The following SLC25A53 variants were observed in gnomAD, a reference collection of about 807,000 sequenced individuals.
SLC25A53 encodes solute carrier family 25 member 53.
In SLC25A53, 5 loss-of-function variants were observed where a neutral mutation model predicts 15.0. The ratio of observed to expected loss-of-function variants is 0.33; its 90% CI spans 0.17 to 0.70. SLC25A53 has a LOEUF of 0.70. Ranked by LOEUF, SLC25A53 falls within the 30% of genes least tolerant of loss-of-function variation. The probability of loss-of-function intolerance (pLI) is 0.67; values close to 1 mark genes in which losing one functional copy is unlikely to be tolerated. For missense variants in SLC25A53, 216 were observed against 241.6 expected (o/e 0.89, Z 0.70); for synonymous variants, 95 against 100.0 (o/e 0.95, Z 0.30).
intron 1 of SLC25A53, among the ~76,000 whole-genome samples, chrX:104,126,488 T>C (rs1431508839): frequency 9.1e-6 from 1 of 109,848 alleles, no homozygotes; most frequent in Non-Finnish European, 1.9e-5. Flanking sequence ...ACCCCATCTC[T>C]AAAAAAAATT....
intron 1 of SLC25A53, among the ~76,000 whole-genome samples, chrX:104,149,424 TAGG>T (rs2075478573): frequency 8.9e-6 from 1 of 112,506 alleles, no homozygotes; most frequent in Non-Finnish European, 1.9e-5. Context: ...CGTAATCCTT[TAGG>T]AGTTTTCATT....
chrX:104,111,233 C>A (rs1316786600), intron 1 of SLC25A53, among the ~76,000 whole-genome samples: 1 of 112,128 alleles, frequency 8.9e-6, no homozygotes, highest in Admixed American at 9.4e-5. Flanking sequence ...CCTACTACAT[C>A]AAAATCCCCC....
chrX:104,149,508 G>A (rs1245627338), intron 1 of SLC25A53, among the ~76,000 whole-genome samples: 2 of 112,288 alleles, frequency 1.8e-5, no homozygotes, highest in African/African-American at 3.2e-5. Flanking sequence ...GGACCTATAG[G>A]TGGCCTTACC....
chrX:104,130,816 T>C (rs2075423944), intron 1 of SLC25A53: 1 of 112,016 alleles, frequency 8.9e-6, no homozygotes, highest in Non-Finnish European at 1.9e-5. Context: ...CCATCAGATC[T>C]TTCCCTTTCC....
chrX:104,140,707 C>T (rs1411669876), intron 1 of SLC25A53, among the ~76,000 whole-genome samples: 1 of 111,563 alleles, frequency 9.0e-6, no homozygotes, highest in Non-Finnish European at 1.9e-5. Context: ...TCAAACGTAT[C>T]TCCAGATGTT....
At chrX:104,124,252 AT>A (rs2075403602) in intron 1 of SLC25A53, among the ~76,000 whole-genome samples, 1 of 111,945 alleles carries the variant, frequency 8.9e-6, no homozygotes, top group South Asian at 3.7e-4. Flanking sequence ...AATGATTGCC[AT>A]TCTAACTGGC....
chrX:104,125,979 T>A (rs1399472440), intron 1 of SLC25A53, among the ~76,000 whole-genome samples: 3 of 111,765 alleles, frequency 2.7e-5, no homozygotes, highest in Non-Finnish European at 5.6e-5. Flanking sequence ...TTTAACATAA[T>A]TACTATCAAA....
intron 1 of SLC25A53, among the ~76,000 whole-genome samples, chrX:104,141,777 A>G (rs1457937930): frequency 5.4e-5 from 6 of 110,741 alleles, no homozygotes; most frequent in African/African-American, 2.0e-4. Context: ...CTGTAGAGAC[A>G]GGGTTTCACC....
At chrX:104,141,160 A>G (rs1556367472) in intron 1 of SLC25A53, among the ~76,000 whole-genome samples, 1 of 111,981 alleles carries the variant, frequency 8.9e-6, no homozygotes, top group Admixed American at 9.5e-5. Flanking sequence ...CATTTATTCA[A>G]GAAAACAACT....
rs2075294257 is a variant in SLC25A53, at chrX:104,104,224, T to C, written c.*110A>G. On this transcript the variant is annotated 3_prime_UTR_variant, in exon 2 of 2. Transcript: ENST00000594199. ...GAACTTCTCCCATGCAATGAGTTTATAGATGCTAAAGGATGGCTGTATTAG... is the reference window on the plus strand; with the variant it reads ...GAACTTCTCCCATGCAATGAGTTTACAGATGCTAAAGGATGGCTGTATTAG... 1.3e-5 allele frequency: 9 copies of C among 685,670 alleles called. No individual in the cohort carries two copies. Among genetic ancestry groups the C allele is most frequent in the Admixed American group, 3.5e-5 (1 of 28,796 alleles). The allele number at this position is 685,670 out of a possible 1,213,427, so 56.5% of individuals were successfully genotyped here. A position where few individuals can be genotyped will look rare whatever the true frequency, so the allele number is the denominator to read the frequency against.
At chrX:104,127,514 T>C (rs2058825007) in intron 1 of SLC25A53, among the ~76,000 whole-genome samples, 1 of 112,197 alleles carries the variant, frequency 8.9e-6, no homozygotes, top group South Asian at 3.7e-4. Context: ...GTCTATATTC[T>C]AGTTAACAAT....
At chrX:104,128,078 G>A (rs190819441) in intron 1 of SLC25A53, among the ~76,000 whole-genome samples, 51 of 111,782 alleles carry the variant, frequency 4.6e-4, no homozygotes, top group Non-Finnish European at 8.5e-4. Flanking sequence ...GCTGTCTTCC[G>A]TGCACAGCTG....
intron 1 of SLC25A53, among the ~76,000 whole-genome samples, chrX:104,117,695 C>T (rs1370013736): frequency 3.6e-5 from 4 of 111,135 alleles, no homozygotes; most frequent in Non-Finnish European, 7.5e-5. Flanking sequence ...CCCTACCTCT[C>T]CCAAAGTCTA....
At chrX:104,147,525 G>C (rs2075471647) in intron 1 of SLC25A53, among the ~76,000 whole-genome samples, 1 of 102,219 alleles carries the variant, frequency 9.8e-6, no homozygotes, top group African/African-American at 3.5e-5. Flanking sequence ...CCTACAAAAC[G>C]GGAGAAAATT....
chrX:104,112,693 G>C (rs1602489657), intron 1 of SLC25A53: 3 of 113,454 alleles, frequency 2.6e-5, no homozygotes, highest in African/African-American at 9.6e-5. Flanking sequence ...GGGTCGCTTA[G>C]CGGCCGAGGA....
chrX:104,115,070 C>G, intron 1 of SLC25A53: 2 of 1,198,676 alleles, frequency 1.7e-6, no homozygotes, highest in Non-Finnish European at 2.3e-6. Flanking sequence ...GGGGCTCAGT[C>G]TCTTTCTACC....
intron 1 of SLC25A53, among the ~76,000 whole-genome samples, chrX:104,141,550 A>G (rs936320261): frequency 2.7e-5 from 3 of 111,845 alleles, no homozygotes; most frequent in Non-Finnish European, 5.6e-5. Flanking sequence ...TTTATAACCA[A>G]TATCTCTGAA....
At chrX:104,129,559 A>G (rs1208531727) in intron 1 of SLC25A53, among the ~76,000 whole-genome samples, 1 of 108,838 alleles carries the variant, frequency 9.2e-6, no homozygotes, top group Non-Finnish European at 1.9e-5. Context: ...AAACAAGAAC[A>G]TTGCCTTTTC....
rs1431109806 is a variant in SLC25A53 at position 104,103,499 on chromosome X, A to G, written c.*835T>C. On this transcript the variant is annotated 3_prime_UTR_variant, in exon 2 of 2. Coordinates refer to ENST00000594199, the MANE Select transcript of SLC25A53 (RefSeq NM_001012755.5). ...TATGTCATAGTAACTACATTTAACC[A>G]CATCAACAAAATATGCAATTTTCTG... 1 of 111,912 alleles carries G rather than the reference A, an allele frequency of 8.9e-6. No homozygotes were observed. The highest frequency in any genetic ancestry group is 3.7e-4 in the South Asian group (1 of 2,678). The allele number at this position is 111,912 out of a possible 1,213,427, so 9.2% of individuals were successfully genotyped here. A position where few individuals can be genotyped will look rare whatever the true frequency, so the allele number is the denominator to read the frequency against.
Sources: allele counts gnomAD v4.1 joint callset (sites outside exome capture counted in the v4.1 genomes callset), GRCh38; gene constraint gnomAD v4.1.1; transcripts MANE v1.5; gene names NCBI Gene and HGNC (gene_info 2026-07-23, HGNC 2026-07-21).